The following DRAM1 variants were observed in gnomAD, a reference collection of about 807,000 sequenced individuals.
DRAM1 encodes the protein DNA damage regulated autophagy modulator 1, also known as DNA damage-regulated autophagy modulator protein 1.
Under a neutral mutation model 28.5 loss-of-function variants are expected in DRAM1, and 25 were observed. The ratio of observed to expected loss-of-function variants is 0.88; its 90% confidence interval spans 0.64 to 1.23. The LOEUF is 1.23. Among genes scored for constraint, DRAM1 ranks in the 50% most tolerant of loss-of-function variants. The pLI, the probability that DRAM1 is intolerant of heterozygous loss-of-function variation, is 0.00. For synonymous variants in DRAM1, 113 were observed against 114.2 expected (o/e 0.99, Z 0.07); for missense variants, 249 against 299.2 (o/e 0.83, Z 1.24).
intron 2 of DRAM1, among the ~76,000 whole-genome samples, chr12:101,901,078 GGTGTGTGTGT>G (rs67125604): frequency 0.13 from 18,104 of 142,926 alleles, 1,248 homozygotes; most frequent in Middle Eastern, 0.17. Context: ...ACAGCCAAGG[GGTGTGTGTGT>G]GTGTGTGTGT....
At chr12:101,894,598 G>A (rs751371110) in intron 1 of DRAM1, among the ~76,000 whole-genome samples, 8 of 152,038 alleles carry the variant, frequency 5.3e-5, no homozygotes, top group Non-Finnish European at 7.4e-5. Context: ...AATAGAACAC[G>A]ACCCTGGAAT....
intron 1 of DRAM1, among the ~76,000 whole-genome samples, chr12:101,887,073 A>G (rs1347972837): frequency 6.7e-6 from 1 of 149,678 alleles, no homozygotes; most frequent in East Asian, 2.0e-4. Flanking sequence ...CGAACCTGGG[A>G]GGCAGATGTT....
chr12:101,914,171 C>T lies in DRAM1; in HGVS notation c.521-3C>T, dbSNP rs752804419. 3.7e-6 allele frequency: 6 copies of T among 1,603,454 alleles called. 1 individual carries two copies. The South Asian group carries it at 6.7e-5, about 18-fold the overall frequency. ...AGTTTCCTTAACTGTTTACTTCTTTCAGTGATTGTCTGTGCTTCACTAATT... is the reference window on the plus strand; with the variant it reads ...AGTTTCCTTAACTGTTTACTTCTTTTAGTGATTGTCTGTGCTTCACTAATT... On this transcript the variant is annotated splice_region_variant and splice_polypyrimidine_tract_variant and intron_variant, in intron 4 of 6. Coordinates refer to ENST00000258534, the MANE Select transcript of DRAM1 (RefSeq NM_018370.3).
intron 2 of DRAM1, 117 bp downstream of exon 2, chr12:101,898,047 C>A: frequency 1.6e-6 from 1 of 612,368 alleles, no homozygotes; most frequent in Non-Finnish European, 2.6e-6. Flanking sequence ...TTTTCTGAGA[C>A]AGGGTCTCTG....
intron 1 of DRAM1, among the ~76,000 whole-genome samples, chr12:101,884,990 A>G (rs547637253): frequency 6.6e-6 from 1 of 150,952 alleles, no homozygotes; most frequent in African/African-American, 2.4e-5. Flanking sequence ...CTGGAGTGCA[A>G]TGGCGCAATC....
At chr12:101,904,388 C>T (rs1332408630) in intron 3 of DRAM1, among the ~76,000 whole-genome samples, 16 of 102,976 alleles carry the variant, frequency 1.6e-4, no homozygotes, top group Admixed American at 3.5e-4. Flanking sequence ...TTCACATATT[C>T]TTTTTTTTTT....
Position 101,877,947 on chromosome 12 carries a change from C to T in DRAM1, c.131+27C>T. ...TGAGTGGCAGGGTGGGCGTCAGGGC[C>T]CCAGGAGCAGGCACAGGGACCACAG... On this transcript the variant is annotated intron_variant, in intron 1 of 6. Transcript: ENST00000258534. The surrounding 1 kb of genome is among the most constrained non-coding windows in gnomAD (Gnocchi z 4.1). 6.7e-7 allele frequency: 1 copy of T among 1,491,826 alleles called. No homozygotes were observed. Among genetic ancestry groups the T allele is most frequent in the Non-Finnish European group, 9.0e-7 (1 of 1,112,886 alleles). The allele number at this position is 1,491,826 out of a possible 1,614,324, so 92.4% of individuals were successfully genotyped here. A position where few individuals can be genotyped will look rare whatever the true frequency, so the allele number is the denominator to read the frequency against.
intron 1 of DRAM1, among the ~76,000 whole-genome samples, chr12:101,891,693 G>A (rs1873132717): frequency 6.6e-6 from 1 of 152,180 alleles, no homozygotes; most frequent in East Asian, 1.9e-4. Flanking sequence ...TGAACCACAG[G>A]CAAATGAACA....
intron 3 of DRAM1, 38 bp from the exon 4 acceptor site, chr12:101,908,148 C>T (rs2121131001): frequency 6.4e-7 from 1 of 1,556,688 alleles, no homozygotes. Context: ...GTTGACAAAC[C>T]CACCCAGAGT....
intron 1 of DRAM1, 126 bp downstream of exon 1, chr12:101,878,046 CAGG>C: frequency 2.3e-6 from 3 of 1,280,880 alleles, no homozygotes; most frequent in Non-Finnish European, 2.0e-6. Flanking sequence ...GAGGTGGGAG[CAGG>C]AGGAGAGGTG....
At chr12:101,879,888 G>A (rs959042341) in intron 1 of DRAM1, among the ~76,000 whole-genome samples, 4 of 151,940 alleles carry the variant, frequency 2.6e-5, no homozygotes, top group African/African-American at 9.7e-5. Flanking sequence ...CAGCTACTCG[G>A]GAGGCTGAGG....
Position 101,920,173 on chromosome 12 carries a change from A to G in DRAM1, c.644A>G (p.Tyr215Cys), listed in dbSNP as rs762137075. 5.0e-6 allele frequency: 8 copies of G among 1,611,598 alleles called. No homozygotes were observed. The highest frequency in any genetic ancestry group is 1.7e-4 in the Middle Eastern group (1 of 6,058). Residue 215 changes from tyrosine to cysteine, a missense_variant, in exon 6 of 7, where the codon TAC becomes TGC. This residue lies in a region of DRAM1 where 15 missense variants were observed against 39.9 expected (regional missense o/e 0.38). Coordinates refer to ENST00000258534, the MANE Select transcript of DRAM1 (RefSeq NM_018370.3). ...EWTVAFGFIF[Y>C]FLTFIQDFQS... ...ACAGTGGCCTTTGGTTTTATTTTCT[A>G]CTTCCTAACTTTCATCCAAGATTTC...
intron 5 of DRAM1, among the ~76,000 whole-genome samples, chr12:101,915,718 T>C (rs1235982446): frequency 6.6e-6 from 1 of 151,538 alleles, no homozygotes; most frequent in Non-Finnish European, 1.5e-5. Flanking sequence ...TGCACCACCA[T>C]GCCCAGCTAG....
chr12:101,908,360 C>A lies in DRAM1; in HGVS notation c.517C>A (p.Pro173Thr). The A allele has an allele frequency of 6.2e-7, 1 of 1,601,586 alleles. No homozygotes were observed. The highest frequency in any genetic ancestry group is 8.5e-7 in the Non-Finnish European group (1 of 1,176,226). Residue 173 changes from proline to threonine, a missense_variant, in exon 4 of 7, where the codon CCC (proline) becomes ACC (threonine). Physicochemically the swap from Pro to Thr is conservative, Grantham distance 38 (BLOSUM62 -1). Transcript: ENST00000258534. The stretch of plus-strand genomic sequence containing the variant: ...TGCCGTTTCTTGCGCAGCTGTCATC[C>A]CCAGTATCCTTTTTCACATTTGTGC... ...ISAVSCAAVI[P>T]MIVCASLISI...
At chr12:101,896,307 T>C (rs954200830) in intron 1 of DRAM1, among the ~76,000 whole-genome samples, 2 of 152,276 alleles carry the variant, frequency 1.3e-5, no homozygotes, top group Non-Finnish European at 2.9e-5. Context: ...GTGCATCATT[T>C]TCAACGTGAT....
chr12:101,911,944 AT>A (rs1874054549), intron 4 of DRAM1, among the ~76,000 whole-genome samples: 1 of 152,188 alleles, frequency 6.6e-6, no homozygotes, highest in Non-Finnish European at 1.5e-5. Context: ...CACGCCTGTA[AT>A]CCCAGCATTT....
At chr12:101,883,825 A>G (rs1872777328) in intron 1 of DRAM1, among the ~76,000 whole-genome samples, 1 of 151,360 alleles carries the variant, frequency 6.6e-6, no homozygotes, top group Non-Finnish European at 1.5e-5. Flanking sequence ...AGTCCCAGCT[A>G]CTCAGGAGGC....
intron 1 of DRAM1, among the ~76,000 whole-genome samples, chr12:101,895,174 G>T (rs7978722): frequency 0.6 from 81,159 of 134,614 alleles, 25,484 homozygotes; most frequent in African/African-American, 0.83. Flanking sequence ...TGCTAAATTC[G>T]AAACCCTTCA....
At position 101,897,798 on chromosome 12, in the gene DRAM1, G is replaced by C. The variant is rs560618474; in HGVS notation, c.132-65G>C. On this transcript the variant is annotated intron_variant, in intron 1 of 6. Coordinates refer to ENST00000258534, the MANE Select transcript of DRAM1 (RefSeq NM_018370.3). Reference sequence around the variant, plus strand: ...ACAGAATATAAAACTCGCCAATTACGTGTCTTCCCAGAGGTCTGGACAGAA... The same window carrying C: ...ACAGAATATAAAACTCGCCAATTACCTGTCTTCCCAGAGGTCTGGACAGAA... The C allele has an allele frequency of 6.1e-6, 7 of 1,154,134 alleles. No homozygotes were observed. In the African/African-American group the frequency reaches 1.1e-4, roughly 18 times the overall value. 71.5% of individuals were successfully genotyped at this position (1,154,134 alleles called of 1,614,324 possible).
Sources: allele counts gnomAD v4.1 joint callset (sites outside exome capture counted in the v4.1 genomes callset), GRCh38; gene constraint gnomAD v4.1.1; regional missense constraint gnomAD v4.1.1; non-coding constraint Gnocchi (gnomAD v3.1); transcripts MANE v1.5; gene names NCBI Gene and HGNC (gene_info 2026-07-23, HGNC 2026-07-21).